The following HHAT variants were observed in gnomAD, a reference collection of about 807,000 sequenced individuals.
HHAT encodes the protein hedgehog acyltransferase.
HHAT carries 47 observed loss-of-function variants against 70.8 expected under a neutral mutation model. That is an observed-to-expected ratio of 0.66 (90% CI 0.53 to 0.85). The LOEUF (loss-of-function observed/expected upper bound fraction) is 0.85. Ranked by LOEUF, HHAT falls within the 40% of genes least tolerant of loss-of-function variation. HHAT has a pLI of 0.00. For synonymous variants in HHAT, 228 were observed against 247.6 expected, an observed-to-expected ratio of 0.92 and a Z score of 0.74; for missense variants, 609 against 604.8, an observed-to-expected ratio of 1.01 and a Z score of -0.07.
At chr1:210,592,879 C>CTTTTTTTTTTTTTTT (rs35245794) in intron 10 of HHAT, among the ~76,000 whole-genome samples, 2 of 145,448 alleles carry the variant, frequency 1.4e-5, no homozygotes, top group Non-Finnish European at 1.5e-5. Flanking sequence ...ACCAACTTTT[C>CTTTTTTTTTTTTTTT]TTTTTTTTTT....
chr1:210,549,358 G>A (rs867273149), intron 9 of HHAT, among the ~76,000 whole-genome samples: 2 of 149,034 alleles, frequency 1.3e-5, no homozygotes, highest in Non-Finnish European at 2.9e-5. Flanking sequence ...TCAGTTACCT[G>A]TGAAGGATGG....
At chr1:210,560,763 T>G (rs1261097779) in intron 9 of HHAT, among the ~76,000 whole-genome samples, 11 of 129,768 alleles carry the variant, frequency 8.5e-5, no homozygotes, top group African/African-American at 3.2e-4. Context: ...CAGTGAGCTA[T>G]GATCATGCCA....
At chr1:210,440,053 A>G (rs3753225) in intron 7 of HHAT, among the ~76,000 whole-genome samples, 69,440 of 151,472 alleles carry the variant, frequency 0.46, 16,302 homozygotes, top group Admixed American at 0.54. Flanking sequence ...AGCAGAGGCC[A>G]AGAAGGTCCC....
In HHAT at chr1:210,400,474, C is replaced by A; in HGVS notation, c.280C>A (p.Pro94Thr). Residue 94 changes from proline to threonine, a missense_variant, in exon 5 of 12, where the codon CCC becomes ACC. Coordinates refer to ENST00000261458, the MANE Select transcript of HHAT (RefSeq NM_018194.6). ...TGGGCCCCACCATTTGCAGCACAGA[C>A]CCTGGATTCTCATGCTCTATGGGAT... ...MATLLARKHR[P>T]WILMLYGMWA... 6.2e-7 allele frequency: 1 copy of A among 1,610,414 alleles called. No homozygotes were observed. Among genetic ancestry groups the A allele is most frequent in the African/African-American group, 1.3e-5 (1 of 74,936 alleles).
At chr1:210,421,735 G>A (rs1260463988) in intron 7 of HHAT, among the ~76,000 whole-genome samples, 1 of 152,160 alleles carries the variant, frequency 6.6e-6, no homozygotes, top group Non-Finnish European at 1.5e-5. Flanking sequence ...ATGAGCCACT[G>A]TGCCTGGCCT....
intron 7 of HHAT, among the ~76,000 whole-genome samples, chr1:210,456,020 A>G (rs183303656): frequency 8.5e-5 from 13 of 152,318 alleles, no homozygotes; most frequent in Admixed American, 7.8e-4. Context: ...AAGCTCTGCC[A>G]TAGCTCTCAT....
chr1:210,331,665 G>T (rs1449009932), intron 1 of HHAT, among the ~76,000 whole-genome samples: 1 of 152,194 alleles, frequency 6.6e-6, no homozygotes. Flanking sequence ...GAGAGAGAAG[G>T]CCCTGGCTTA....
intron 3 of HHAT, among the ~76,000 whole-genome samples, chr1:210,386,724 G>A (rs1453579416): frequency 6.6e-6 from 1 of 152,086 alleles, no homozygotes; most frequent in Non-Finnish European, 1.5e-5. Flanking sequence ...GGCTCCTGAG[G>A]CCATGACTTT....
chr1:210,535,745 G>A (rs2148647566), intron 9 of HHAT, among the ~76,000 whole-genome samples: 1 of 152,240 alleles, frequency 6.6e-6, no homozygotes, highest in Non-Finnish European at 1.5e-5. Context: ...CAAAGGTTTT[G>A]ATTGAAAATT....
chr1:210,502,200 C>A (rs149774407), intron 8 of HHAT, among the ~76,000 whole-genome samples: 1,581 of 151,696 alleles, frequency 0.01, 27 homozygotes, highest in African/African-American at 0.036. Context: ...CTGGCTAACA[C>A]AGTAAAACCC....
intron 7 of HHAT, among the ~76,000 whole-genome samples, chr1:210,430,139 T>A (rs1471832554): frequency 2.6e-5 from 4 of 151,954 alleles, no homozygotes; most frequent in Admixed American, 2.6e-4. Context: ...GTAATTTTCC[T>A]TTTGGATGCT....
At chr1:210,648,618 C>T (rs1674537124) in intron 11 of HHAT, among the ~76,000 whole-genome samples, 1 of 151,446 alleles carries the variant, frequency 6.6e-6, no homozygotes, top group Admixed American at 6.6e-5. Flanking sequence ...TATCCCAAGA[C>T]CCTAAATTTA....
chr1:210,484,624 G>A (rs2094447582), intron 8 of HHAT, among the ~76,000 whole-genome samples: 2 of 152,004 alleles, frequency 1.3e-5, no homozygotes. Context: ...GCCTGAGCCA[G>A]TTTTACCCTG....
At position 210,403,765 on chromosome 1, in the gene HHAT, T is replaced by C. The variant is rs946960935; in HGVS notation, c.469-699T>C. ...GTAGAAAAATATAGAAATTAGAAAA[T>C]ACTTCATAATTTTACTCCCCGATAT... On this transcript the variant is annotated intron_variant, in intron 5 of 11. Transcript: ENST00000261458. 5.3e-5 allele frequency among the ~76,000 whole-genome samples: 8 copies of C among 152,300 alleles called. No homozygotes were observed. The East Asian group carries it at 7.7e-4, about 15-fold the overall frequency.
chr1:210,407,688 G>A (rs1321016750), intron 6 of HHAT, among the ~76,000 whole-genome samples: 1 of 152,148 alleles, frequency 6.6e-6, no homozygotes, highest in Non-Finnish European at 1.5e-5. Flanking sequence ...AGGAACATGG[G>A]CCTGATTTGT....
At chr1:210,585,539 C>T (rs1358409874) in intron 9 of HHAT, among the ~76,000 whole-genome samples, 1 of 152,146 alleles carries the variant, frequency 6.6e-6, no homozygotes, top group African/African-American at 2.4e-5. Context: ...CTGCCTCAGC[C>T]TTCCAAGTAG....
At chr1:210,347,701 CT>C (rs2086644479) in intron 1 of HHAT, among the ~76,000 whole-genome samples, 2 of 152,182 alleles carry the variant, frequency 1.3e-5, no homozygotes, top group South Asian at 4.1e-4. Flanking sequence ...AAATGCATTT[CT>C]CTTTCCTGTA....
intron 9 of HHAT, among the ~76,000 whole-genome samples, chr1:210,520,313 C>T (rs188039610): frequency 1.3e-5 from 2 of 152,314 alleles, no homozygotes; most frequent in Admixed American, 6.5e-5. Flanking sequence ...CTGCGCCTGA[C>T]CCATTCTGTC....
chr1:210,436,344 C>T (rs759828761), intron 7 of HHAT, among the ~76,000 whole-genome samples: 24 of 151,308 alleles, frequency 1.6e-4, no homozygotes, highest in Admixed American at 4.6e-4. Flanking sequence ...AATGCCAGTA[C>T]CATGATTGAT....
Sources: gnomAD v4.1 joint callset for allele counts (sites outside exome capture counted in the v4.1 genomes callset) on GRCh38, gnomAD v4.1.1 for gene constraint, MANE v1.5 for transcripts, NCBI Gene and HGNC (gene_info 2026-07-23, HGNC 2026-07-21) for gene names.